The following XKR4 variants were observed in gnomAD, a reference collection of about 807,000 sequenced individuals.
The protein encoded by XKR4 is XK related 4.
In XKR4, 12 loss-of-function variants were observed where a neutral mutation model predicts 53.9. That is an observed-to-expected ratio of 0.22 (90% CI 0.14 to 0.36). The LOEUF (loss-of-function observed/expected upper bound fraction) is 0.36. Ranked by LOEUF, XKR4 falls within the 10% of genes least tolerant of loss-of-function variation. XKR4 has a pLI of 1.00. For missense variants in XKR4, 799 were observed against 859.5 expected (o/e 0.93, Z 0.88); for synonymous variants, 354 against 362.4 (o/e 0.98, Z 0.26).
rs138321880 is a variant in XKR4 at position 55,473,795 on chromosome 8, C to T, written c.1007-49486C>T. 2.6e-3 allele frequency among the ~76,000 whole-genome samples: 389 copies of T among 146,976 alleles called. 1 individual carries two copies. The highest frequency in any genetic ancestry group is 9.6e-3 in the African/African-American group (361 of 37,786). ...CCAAAGTTACAACAGATTCTCTTTC[C>T]TTCCTTCCTTCCTTCTTTCCTCCCT... On this transcript the variant is annotated intron_variant, in intron 2 of 2. Coordinates refer to ENST00000327381, the MANE Select transcript of XKR4 (RefSeq NM_052898.2).
chr8:55,370,635 T>C (rs1203010269), intron 2 of XKR4, among the ~76,000 whole-genome samples: 1 of 152,190 alleles, frequency 6.6e-6, no homozygotes, highest in African/African-American at 2.4e-5. Context: ...AGCCCCTACA[T>C]AGGAGAGTTG....
In XKR4 at chr8:55,454,109, G is replaced by A. The variant is rs1805511840; in HGVS notation, c.1007-69172G>A. On this transcript the variant is annotated intron_variant, in intron 2 of 2. Coordinates refer to ENST00000327381, the MANE Select transcript of XKR4 (RefSeq NM_052898.2). ...ATTCAAGGAGGAGGGGGACGTCATG[G>A]GTGGAGGGAAGGCGAGGTCAACCAA... 4 of 831,580 alleles carry A rather than the reference G, an allele frequency of 4.8e-6. No homozygotes were observed. In the South Asian group the frequency reaches 5.3e-5, roughly 11 times the overall value. The allele number at this position is 831,580 out of a possible 1,614,324, so 51.5% of individuals were successfully genotyped here.
intron 2 of XKR4, among the ~76,000 whole-genome samples, chr8:55,481,788 T>G (rs905774301): frequency 1.3e-5 from 2 of 151,890 alleles, no homozygotes; most frequent in Non-Finnish European, 2.9e-5. Context: ...AAAAGACACA[T>G]GAAAAAATGC....
At chr8:55,261,902 T>C (rs1321016727) in intron 1 of XKR4, among the ~76,000 whole-genome samples, 1 of 152,048 alleles carries the variant, frequency 6.6e-6, no homozygotes, top group East Asian at 1.9e-4. Context: ...AAAAGTATAT[T>C]CATATAAAGT....
At chr8:55,429,973 G>A (rs916083184) in intron 2 of XKR4, among the ~76,000 whole-genome samples, 34 of 152,196 alleles carry the variant, frequency 2.2e-4, no homozygotes, top group African/African-American at 7.9e-4. Context: ...TGGGACATGG[G>A]CAAATGATAT....
chr8:55,221,992 T>G (rs1817887911), intron 1 of XKR4, among the ~76,000 whole-genome samples: 1 of 152,220 alleles, frequency 6.6e-6, no homozygotes, highest in Non-Finnish European at 1.5e-5. Flanking sequence ...TCCTTACAAC[T>G]AATCTGTCCC....
At chr8:55,363,956 G>A (rs1284446604) in intron 2 of XKR4, among the ~76,000 whole-genome samples, 1 of 152,210 alleles carries the variant, frequency 6.6e-6, no homozygotes, top group Non-Finnish European at 1.5e-5. Flanking sequence ...ATAATGTGAC[G>A]CTATAAACAA....
rs1806976584 is a variant in XKR4 at position 55,532,965 on chromosome 8, G to C, written c.*8738G>C. The stretch of plus-strand genomic sequence containing the variant: ...TAAGTACTACAAATGTTATCAGATG[G>C]AGATGTGGTTAAGCTAATTTAATTT... On this transcript the variant is annotated 3_prime_UTR_variant, in exon 3 of 3. Coordinates refer to ENST00000327381, the MANE Select transcript of XKR4 (RefSeq NM_052898.2). 6.6e-6 allele frequency: 1 copy of C among 152,068 alleles called. No homozygotes were observed. The highest frequency in any genetic ancestry group is 2.4e-5 in the African/African-American group (1 of 41,398). 9.4% of individuals were successfully genotyped at this position (152,068 alleles called of 1,614,324 possible). A position where few individuals can be genotyped will look rare whatever the true frequency, so the allele number is the denominator to read the frequency against.
At chr8:55,129,347 C>G (rs945125411) in intron 1 of XKR4, among the ~76,000 whole-genome samples, 1 of 152,214 alleles carries the variant, frequency 6.6e-6, no homozygotes, top group Admixed American at 6.5e-5. Flanking sequence ...CGTTCTCACT[C>G]CTGCAGGTCG....
chr8:55,330,802 C>G (rs1803372720), intron 1 of XKR4, among the ~76,000 whole-genome samples: 1 of 152,090 alleles, frequency 6.6e-6, no homozygotes, highest in African/African-American at 2.4e-5. Context: ...AGAAACTCAC[C>G]AATCTTGCTG....
intron 1 of XKR4, among the ~76,000 whole-genome samples, chr8:55,254,280 G>A (rs1193878584): frequency 6.6e-6 from 1 of 151,786 alleles, no homozygotes; most frequent in Non-Finnish European, 1.5e-5. Context: ...TCACTTGTAC[G>A]GTGCTGTGAG....
At chr8:55,200,364 G>A (rs887220043) in intron 1 of XKR4, among the ~76,000 whole-genome samples, 18 of 152,164 alleles carry the variant, frequency 1.2e-4, no homozygotes, top group African/African-American at 3.9e-4. Flanking sequence ...CACTGCGCCC[G>A]GCCAGTCTAT....
intron 1 of XKR4, among the ~76,000 whole-genome samples, chr8:55,335,386 T>C (rs1478749357): frequency 6.6e-6 from 1 of 152,098 alleles, no homozygotes; most frequent in East Asian, 1.9e-4. Context: ...GACATACACA[T>C]GGCAATATCT....
intron 2 of XKR4, among the ~76,000 whole-genome samples, chr8:55,444,429 A>T (rs1436169415): frequency 6.6e-6 from 1 of 152,230 alleles, no homozygotes; most frequent in East Asian, 1.9e-4. Context: ...ACAAAACAGG[A>T]AAGAGAAGTA....
At chr8:55,217,634 G>T (rs920097241) in intron 1 of XKR4, among the ~76,000 whole-genome samples, 5 of 152,310 alleles carry the variant, frequency 3.3e-5, no homozygotes, top group Admixed American at 2.6e-4. Context: ...AAGAAAAAAT[G>T]AGTCATTGAC....
intron 1 of XKR4, among the ~76,000 whole-genome samples, chr8:55,176,154 A>G (rs1483230489): frequency 6.6e-6 from 1 of 152,242 alleles, no homozygotes; most frequent in Non-Finnish European, 1.5e-5. Context: ...TCAGAATGAA[A>G]GAACAATTTG....
Position 55,225,985 on chromosome 8 carries a change from TG to T in XKR4, c.806+122692del, listed in dbSNP as rs1817947035. On this transcript the variant is annotated intron_variant, in intron 1 of 2. Coordinates refer to ENST00000327381, the MANE Select transcript of XKR4 (RefSeq NM_052898.2). ...GCCAAAGTTTTAGGACCCTTGCCTCTGTCTGGCCCAGACAACACCGTCCCTG... is the reference window on the plus strand; with the variant it reads ...GCCAAAGTTTTAGGACCCTTGCCTCTTCTGGCCCAGACAACACCGTCCCTG... Among the ~76,000 whole-genome samples, 3 of 152,360 alleles carry T rather than the reference TG, an allele frequency of 2.0e-5. No homozygotes were observed. In the South Asian group the frequency reaches 6.2e-4, roughly 32 times the overall value.
At chr8:55,443,282 G>C (rs1391882982) in intron 2 of XKR4, among the ~76,000 whole-genome samples, 1 of 151,700 alleles carries the variant, frequency 6.6e-6, no homozygotes, top group Non-Finnish European at 1.5e-5. Flanking sequence ...GCCAGTATCA[G>C]GTTAATACTT....
chr8:55,249,219 A>T (rs1818332945), intron 1 of XKR4, among the ~76,000 whole-genome samples: 2 of 152,236 alleles, frequency 1.3e-5, no homozygotes, highest in South Asian at 4.1e-4. Flanking sequence ...GAATATAAAC[A>T]GTACTCATGA....
Sources: allele counts gnomAD v4.1 joint callset (sites outside exome capture counted in the v4.1 genomes callset), GRCh38; gene constraint gnomAD v4.1.1; transcripts MANE v1.5; gene names NCBI Gene and HGNC (gene_info 2026-07-23, HGNC 2026-07-21).